Variants in PPP4R1 observed in about 807,000 individuals in gnomAD.
PPP4R1 encodes protein phosphatase 4 regulatory subunit 1, also known as serine/threonine-protein phosphatase 4 regulatory subunit 1.
In PPP4R1, 42 loss-of-function variants were observed where a neutral mutation model predicts 111.2. That is an observed-to-expected ratio of 0.38 (90% CI 0.29 to 0.49). The LOEUF is 0.49. Among genes scored for constraint, PPP4R1 ranks in the 20% least tolerant of loss-of-function variants. The probability of loss-of-function intolerance (pLI) is 0.97; values close to 1 mark genes in which losing one functional copy is unlikely to be tolerated. For missense variants in PPP4R1, 1,012 were observed against 1,161.6 expected, an observed-to-expected ratio of 0.87 and a Z score of 1.87; for synonymous variants, 409 against 405.5, an observed-to-expected ratio of 1.01 and a Z score of -0.10.
At chr18:9,563,331 T>C in intron 12 of PPP4R1, 47 bp downstream of exon 12, 1 of 1,511,734 alleles carries the variant, frequency 6.6e-7, no homozygotes, top group Non-Finnish European at 8.9e-7. Context: ...GAAAGACTTC[T>C]GATTCAAACT....
chr18:9,566,163 G>A (rs61390218), intron 11 of PPP4R1, among the ~76,000 whole-genome samples: 31 of 151,656 alleles, frequency 2.0e-4, no homozygotes, highest in Admixed American at 1.8e-3. Flanking sequence ...CACCCACCTC[G>A]GCCTCCCAAA....
In PPP4R1 at chr18:9,608,376, A is replaced by G. The variant is rs185429656; in HGVS notation, c.52+5850T>C. Among the ~76,000 whole-genome samples the G allele has an allele frequency of 3.8e-4, 58 of 152,352 alleles. 1 individual carries two copies. The highest frequency in any genetic ancestry group is 1.3e-3 in the African/African-American group (55 of 41,588). ...CCCCTACACAAAACTATACTGAGGT[A>G]TCTTCCAGAATGACTGCATGATAGA... On this transcript the variant is annotated intron_variant, in intron 2 of 19. Transcript: ENST00000400556.
rs1172331593 is a variant in PPP4R1, at chr18:9,570,183, G to A, written c.1547C>T (p.Pro516Leu). Residue 516 changes from proline (P) to leucine (L), a missense_variant, in exon 11 of 20, where the codon CCC becomes CTC. Pro to Leu is a moderately conservative substitution (Grantham distance 98). Transcript: ENST00000400556. ...ELEEMIENLE[P>L]HIDDPDVKAQ... ...TTTAACATCTGGATCATCAATGTGG[G>A]GCTCTAGATTTTCTATCATTTCTTC... 1.3e-6 allele frequency: 2 copies of A among 1,529,514 alleles called. No individual in the cohort carries two copies. The highest frequency in any genetic ancestry group is 4.5e-5 in the Admixed American group (2 of 44,746). The allele number at this position is 1,529,514 out of a possible 1,614,324, so 94.7% of individuals were successfully genotyped here. A position where few individuals can be genotyped will look rare whatever the true frequency, so the allele number is the denominator to read the frequency against.
rs565956240 is a variant in PPP4R1 at position 9,601,811 on chromosome 18, A to T, written c.53-6658T>A. Among the ~76,000 whole-genome samples the T allele has an allele frequency of 6.6e-5, 10 of 152,250 alleles. No individual in the cohort carries two copies. In the East Asian group the frequency reaches 1.9e-3, roughly 30 times the overall value. On this transcript the variant is annotated intron_variant, in intron 2 of 19. Coordinates refer to ENST00000400556, the MANE Select transcript of PPP4R1 (RefSeq NM_001042388.3). ...CCTGGCCAAAAGAATGGAATTCTTA[A>T]TAGGAAGAGAAAACCTAGGATATAA... is the stretch of plus-strand genomic sequence containing the variant.
At chr18:9,590,605 C>T (rs926179920) in intron 4 of PPP4R1, among the ~76,000 whole-genome samples, 4 of 151,928 alleles carry the variant, frequency 2.6e-5, no homozygotes, top group Admixed American at 2.0e-4. Flanking sequence ...CAGAAACAGA[C>T]GCATGCATGT....
chr18:9,596,904 T>C (rs2067299145), intron 2 of PPP4R1, among the ~76,000 whole-genome samples: 1 of 152,208 alleles, frequency 6.6e-6, no homozygotes. Context: ...AAACATGATC[T>C]TCCACTTTTG....
chr18:9,553,529 G>T lies in PPP4R1; in HGVS notation c.2191-107C>A, dbSNP rs113131078. ...AAGCAATATGGTTAATTCTTCTGAA[G>T]AGGAAATGTAGTAGCTGTATTTAAG... On this transcript the variant is annotated intron_variant, in intron 15 of 19. Coordinates refer to ENST00000400556, the MANE Select transcript of PPP4R1 (RefSeq NM_001042388.3). 6.1e-4 allele frequency: 430 copies of T among 709,756 alleles called. 3 individuals carry two copies. In the African/African-American group the frequency reaches 6.6e-3, roughly 11 times the overall value. The allele number at this position is 709,756 out of a possible 1,614,324, so 44.0% of individuals were successfully genotyped here.
upstream of PPP4R1, chr18:9,614,599 G>A (rs1040180716): frequency 6.6e-6 from 4 of 608,334 alleles, no homozygotes; most frequent in African/African-American, 8.2e-5. This position sits in a 1 kb window ranked among gnomAD's most constrained non-coding sequence, Gnocchi z 4.1. Context: ...AGGAGGGCCG[G>A]GCTGGCGGGG....
chr18:9,547,524 G>GT lies in PPP4R1; in HGVS notation c.*264_*265insA. 2 of 330,284 alleles carry GT rather than the reference G, an allele frequency of 6.1e-6. No individual in the cohort carries two copies. The highest frequency in any genetic ancestry group is 1.1e-5 in the Non-Finnish European group (2 of 178,872). 20.5% of individuals were successfully genotyped at this position (330,284 alleles called of 1,614,324 possible). On this transcript the variant is annotated 3_prime_UTR_variant, in exon 20 of 20. Transcript: ENST00000400556. ...CAAGTTTCATTCAGTCAGGAAGACAGAAGGATTTAAGGCTTCGGTGACAAT... is the reference window on the plus strand; with the variant it reads ...CAAGTTTCATTCAGTCAGGAAGACAGTAAGGATTTAAGGCTTCGGTGACAAT...
intron 13 of PPP4R1, 97 bp downstream of exon 13, chr18:9,561,883 C>T: frequency 6.6e-6 from 6 of 910,204 alleles, no homozygotes; most frequent in Non-Finnish European, 1.1e-5. Context: ...ATTTTTAGAA[C>T]ACTCATCATA....
At chr18:9,593,964 G>C (rs1233452582) in intron 3 of PPP4R1, 90 bp from the exon 4 acceptor site, 1 of 998,798 alleles carries the variant, frequency 1.0e-6, no homozygotes, top group Non-Finnish European at 1.5e-6. Flanking sequence ...CCTCATTCCT[G>C]TTGCCCAGGC....
chr18:9,578,221 A>T (rs2066968949), intron 9 of PPP4R1, among the ~76,000 whole-genome samples: 1 of 152,168 alleles, frequency 6.6e-6, no homozygotes, highest in Non-Finnish European at 1.5e-5. Context: ...GCCACACACC[A>T]ATTTCCCTGA....
intron 2 of PPP4R1, among the ~76,000 whole-genome samples, chr18:9,597,630 C>A (rs1483332875): frequency 6.6e-6 from 1 of 152,120 alleles, no homozygotes; most frequent in Middle Eastern, 3.2e-3. Context: ...TGAGGCAAAA[C>A]GCCTAAGAAG....
At position 9,547,103 on chromosome 18, in the gene PPP4R1, T is replaced by C. The variant is rs1434734898; in HGVS notation, c.*686A>G. The C allele has an allele frequency of 6.5e-6, 1 of 152,750 alleles. No individual in the cohort carries two copies. Among genetic ancestry groups the C allele is most frequent in the Non-Finnish European group, 1.5e-5 (1 of 68,110 alleles). 9.5% of individuals were successfully genotyped at this position (152,750 alleles called of 1,614,324 possible). On this transcript the variant is annotated 3_prime_UTR_variant, in exon 20 of 20. Coordinates refer to ENST00000400556, the MANE Select transcript of PPP4R1 (RefSeq NM_001042388.3). ...TACATTATACGTCTAATAAATTTCC[T>C]TCAGGTCATGACCAGCATGAAAAAA...
intron 9 of PPP4R1, among the ~76,000 whole-genome samples, chr18:9,577,490 T>A (rs2066955654): frequency 6.6e-6 from 1 of 152,056 alleles, no homozygotes; most frequent in African/African-American, 2.4e-5. Flanking sequence ...CATGGCGAAA[T>A]CCAGTCTCTA....
intron 13 of PPP4R1, among the ~76,000 whole-genome samples, chr18:9,559,936 T>C (rs2066646047): frequency 6.6e-6 from 1 of 152,190 alleles, no homozygotes; most frequent in Admixed American, 6.5e-5. Context: ...ATGACAATGT[T>C]TGTTATAACC....
rs774589831 is a variant in PPP4R1 at position 9,570,689 on chromosome 18, A to T, written c.1047-6T>A. 6.6e-7 allele frequency: 1 copy of T among 1,522,440 alleles called. No individual in the cohort carries two copies. Among genetic ancestry groups the T allele is most frequent in the Non-Finnish European group, 8.8e-7 (1 of 1,139,750 alleles). The allele number at this position is 1,522,440 out of a possible 1,614,324, so 94.3% of individuals were successfully genotyped here. On this transcript the variant is annotated splice_polypyrimidine_tract_variant and splice_region_variant and intron_variant, in intron 10 of 19. Coordinates refer to ENST00000400556, the MANE Select transcript of PPP4R1 (RefSeq NM_001042388.3). Reference sequence around the variant, plus strand: ...GGGCTTCTTGATCTCTGGTCCTTTTATTGTTTTATTTGGTGGGAAAAAAAC... The same window carrying T: ...GGGCTTCTTGATCTCTGGTCCTTTTTTTGTTTTATTTGGTGGGAAAAAAAC...
At chr18:9,563,638 C>A (rs2066714864) in intron 11 of PPP4R1, 88 bp from the exon 12 acceptor site, 2 of 1,207,190 alleles carry the variant, frequency 1.7e-6, no homozygotes, top group South Asian at 1.8e-5. Flanking sequence ...TGTACGTTAT[C>A]AATGAAATAT....
intron 9 of PPP4R1, among the ~76,000 whole-genome samples, chr18:9,578,599 T>C (rs1252281766): frequency 6.6e-6 from 1 of 151,226 alleles, no homozygotes; most frequent in Non-Finnish European, 1.5e-5. Flanking sequence ...AAGTTTAAGA[T>C]AATAATTATA....
Sources: allele counts gnomAD v4.1 joint callset (sites outside exome capture counted in the v4.1 genomes callset), GRCh38; gene constraint gnomAD v4.1.1; non-coding constraint Gnocchi (gnomAD v3.1); transcripts MANE v1.5; gene names NCBI Gene and HGNC (gene_info 2026-07-23, HGNC 2026-07-21).